The following FARS2 variants were observed in gnomAD, a reference collection of about 807,000 sequenced individuals.
The protein encoded by FARS2 is phenylalanine--tRNA ligase, mitochondrial.
Under a neutral mutation model 46.4 loss-of-function variants are expected in FARS2, and 40 were observed. The observed-to-expected ratio is 0.86, with a 90% confidence interval of 0.67 to 1.12. The LOEUF (loss-of-function observed/expected upper bound fraction) is 1.12, where lower values mean the gene tolerates loss of function less well. Among genes scored for constraint, FARS2 ranks in the 50% most tolerant of loss-of-function variants. The probability of loss-of-function intolerance (pLI) is 0.00; values close to 1 mark genes in which losing one functional copy is unlikely to be tolerated. For synonymous variants in FARS2, 234 were observed against 214.9 expected (o/e 1.09, Z -0.78); for missense variants, 513 against 567.9 (o/e 0.90, Z 0.98).
chr6:5,408,738 C>G (rs1487294283), intron 3 of FARS2, among the ~76,000 whole-genome samples: 1 of 152,116 alleles, frequency 6.6e-6, no homozygotes, highest in African/African-American at 2.4e-5. Flanking sequence ...TAAGACAAGA[C>G]AATAAAAGCA....
intron 5 of FARS2, among the ~76,000 whole-genome samples, chr6:5,601,066 C>T (rs59372445): frequency 0.041 from 6,231 of 152,202 alleles, 416 homozygotes; most frequent in African/African-American, 0.14. Flanking sequence ...AGCAAGAAAG[C>T]CGCCATCTCT....
In FARS2 at chr6:5,424,429, A is replaced by C. The variant is rs188785376; in HGVS notation, c.773-6612A>C. On this transcript the variant is annotated intron_variant, in intron 3 of 6. Transcript: ENST00000274680. ...GACTTCTTATATGAATGTGGGCCAC[A>C]TGCAGGAATCTTTGGTAGGAGTAAG... Among the ~76,000 whole-genome samples the C allele has an allele frequency of 7.9e-5, 12 of 152,350 alleles. No homozygotes were observed. In the East Asian group the frequency reaches 2.1e-3, roughly 27 times the overall value.
intron 4 of FARS2, among the ~76,000 whole-genome samples, chr6:5,485,633 T>G (rs756492718): frequency 3.3e-5 from 5 of 152,216 alleles, no homozygotes; most frequent in Non-Finnish European, 5.9e-5. Flanking sequence ...TTATACTGTC[T>G]CTGTTGTATC....
intron 6 of FARS2, among the ~76,000 whole-genome samples, chr6:5,699,507 G>T (rs1758292372): frequency 6.6e-6 from 1 of 150,680 alleles, no homozygotes; most frequent in African/African-American, 2.5e-5. Flanking sequence ...AGGATCACAG[G>T]AGATTTTTTT....
At chr6:5,716,148 A>C (rs1384635497) in intron 6 of FARS2, among the ~76,000 whole-genome samples, 2 of 152,226 alleles carry the variant, frequency 1.3e-5, no homozygotes, top group Non-Finnish European at 2.9e-5. Flanking sequence ...ATAAATACTC[A>C]TATAGTATAC....
At chr6:5,476,560 T>G (rs1405827289) in intron 4 of FARS2, among the ~76,000 whole-genome samples, 6 of 140,312 alleles carry the variant, frequency 4.3e-5, no homozygotes, top group Admixed American at 4.2e-4. Context: ...ATGAATGGAG[T>G]GAGGGAGGGA....
At position 5,732,628 on chromosome 6, in the gene FARS2, A is replaced by C. The variant is rs867700323; in HGVS notation, c.1218-38663A>C. ...CTCAATGAGGAGGGAGAAAAACAGCACAGTGCCAAGGGGCGGAGCCCGGGA... is the reference window on the plus strand; with the variant it reads ...CTCAATGAGGAGGGAGAAAAACAGCCCAGTGCCAAGGGGCGGAGCCCGGGA... On this transcript the variant is annotated intron_variant, in intron 6 of 6. Coordinates refer to ENST00000274680, the MANE Select transcript of FARS2 (RefSeq NM_006567.5). Among the ~76,000 whole-genome samples the C allele has an allele frequency of 5.3e-5, 8 of 152,300 alleles. No individual in the cohort carries two copies. The South Asian group carries it at 1.0e-3, about 20-fold the overall frequency.
chr6:5,639,672 C>A (rs191890658), intron 6 of FARS2, among the ~76,000 whole-genome samples: 55 of 152,332 alleles, frequency 3.6e-4, no homozygotes, highest in Non-Finnish European at 6.3e-4. Context: ...TCTTTATTTG[C>A]AAATGAGTCA....
At chr6:5,388,242 C>T (rs1760265311) in intron 2 of FARS2, among the ~76,000 whole-genome samples, 2 of 151,984 alleles carry the variant, frequency 1.3e-5, no homozygotes, top group Admixed American at 6.5e-5. Context: ...CTTCTTATTT[C>T]AAAAATCATA....
At chr6:5,332,875 C>T (rs1022920090) in intron 1 of FARS2, among the ~76,000 whole-genome samples, 2 of 152,086 alleles carry the variant, frequency 1.3e-5, no homozygotes, top group Non-Finnish European at 2.9e-5. Context: ...GGTAATGGCT[C>T]AGTATTAAGG....
At chr6:5,506,119 G>A (rs947894447) in intron 4 of FARS2, among the ~76,000 whole-genome samples, 24 of 152,140 alleles carry the variant, frequency 1.6e-4, no homozygotes, top group African/African-American at 5.8e-4. Flanking sequence ...GGTGGGGTCT[G>A]CATAACAAGC....
chr6:5,307,975 A>G lies in FARS2; in HGVS notation c.-22+46315A>G, dbSNP rs1039159374. On this transcript the variant is annotated intron_variant, in intron 1 of 6. Coordinates refer to ENST00000274680, the MANE Select transcript of FARS2 (RefSeq NM_006567.5). ...TGTTTTTGACCTTACTACTGCTTCA[A>G]TTTGAATTGGCAACTATTTGCAATT... 3.9e-5 allele frequency among the ~76,000 whole-genome samples: 6 copies of G among 152,318 alleles called. No individual in the cohort carries two copies. In the South Asian group the frequency reaches 1.0e-3, roughly 26 times the overall value.
chr6:5,554,139 G>A (rs949591515), intron 5 of FARS2, among the ~76,000 whole-genome samples: 1 of 152,056 alleles, frequency 6.6e-6, no homozygotes, highest in African/African-American at 2.4e-5. Flanking sequence ...TGGATTAACC[G>A]CTGAAACTCC....
intron 5 of FARS2, among the ~76,000 whole-genome samples, chr6:5,576,681 C>G (rs975885749): frequency 6.7e-6 from 1 of 149,550 alleles, no homozygotes; most frequent in Non-Finnish European, 1.5e-5. Flanking sequence ...AACCCTAATA[C>G]AGTAATTGAC....
At chr6:5,690,576 C>T (rs1757625120) in intron 6 of FARS2, among the ~76,000 whole-genome samples, 1 of 151,616 alleles carries the variant, frequency 6.6e-6, no homozygotes, top group African/African-American at 2.4e-5. Context: ...CGCTGTTAGT[C>T]TGATGGGCTT....
intron 6 of FARS2, among the ~76,000 whole-genome samples, chr6:5,670,813 T>G (rs1453472735): frequency 6.6e-6 from 1 of 152,232 alleles, no homozygotes; most frequent in East Asian, 1.9e-4. Flanking sequence ...TTGTTCATTT[T>G]CTTAGCAGGC....
At chr6:5,587,102 A>T (rs1773656903) in intron 5 of FARS2, among the ~76,000 whole-genome samples, 1 of 152,228 alleles carries the variant, frequency 6.6e-6, no homozygotes, top group Non-Finnish European at 1.5e-5. Context: ...ATGTACTGTC[A>T]CTTACTGGGT....
At chr6:5,761,494 C>T (rs1762474727) in intron 6 of FARS2, among the ~76,000 whole-genome samples, 1 of 152,186 alleles carries the variant, frequency 6.6e-6, no homozygotes, top group South Asian at 2.1e-4. Context: ...AGCACTTCAC[C>T]TGCCACAGAT....
intron 4 of FARS2, among the ~76,000 whole-genome samples, chr6:5,543,885 CT>C (rs138364237): frequency 0.012 from 1,659 of 140,924 alleles, 36 homozygotes; most frequent in African/African-American, 0.039. Context: ...TGTTTGTTTG[CT>C]TTTTTTTTTT....
Sources: allele counts gnomAD v4.1 joint callset (sites outside exome capture counted in the v4.1 genomes callset), GRCh38; gene constraint gnomAD v4.1.1; transcripts MANE v1.5; gene names NCBI Gene and HGNC (gene_info 2026-07-23, HGNC 2026-07-21).